Variants in TMEM38B observed in about 807,000 individuals in gnomAD.
The protein encoded by TMEM38B is trimeric intracellular cation channel type B.
Under a neutral mutation model 28.7 loss-of-function variants are expected in TMEM38B, and 24 were observed. The ratio of observed to expected loss-of-function variants is 0.84; its 90% CI spans 0.61 to 1.18. The LOEUF is 1.18. Ranked by LOEUF, TMEM38B falls within the 50% of genes most tolerant of loss-of-function variation. The pLI, the probability that TMEM38B is intolerant of heterozygous loss-of-function variation, is 0.00. For synonymous variants in TMEM38B, 131 were observed against 127.7 expected (o/e 1.03, Z -0.17); for missense variants, 380 against 350.9 (o/e 1.08, Z -0.66).
At chr9:105,734,449 T>A (rs913660959) in intron 4 of TMEM38B, among the ~76,000 whole-genome samples, 14 of 152,154 alleles carry the variant, frequency 9.2e-5, no homozygotes, top group African/African-American at 3.1e-4. Flanking sequence ...AGATGTTTAT[T>A]AAGTCCATTT....
chr9:105,744,372 T>A (rs1012724741), intron 4 of TMEM38B, among the ~76,000 whole-genome samples: 1 of 151,986 alleles, frequency 6.6e-6, no homozygotes, highest in African/African-American at 2.4e-5. Context: ...ATTGTCAACC[T>A]GCCATTTTTA....
At chr9:105,760,531 C>T (rs1488818240) in intron 5 of TMEM38B, 2 of 744,770 alleles carry the variant, frequency 2.7e-6, no homozygotes, top group Non-Finnish European at 4.9e-6. Context: ...TTCTACCTCT[C>T]AAGCTGCAGT....
chr9:105,763,671 A>G (rs904740196), intron 5 of TMEM38B, among the ~76,000 whole-genome samples: 3 of 152,232 alleles, frequency 2.0e-5, no homozygotes, highest in Non-Finnish European at 4.4e-5. Flanking sequence ...AACTGGTACC[A>G]TTCCTTCTGA....
At chr9:105,703,191 A>G (rs1316723861) in intron 1 of TMEM38B, among the ~76,000 whole-genome samples, 1 of 152,152 alleles carries the variant, frequency 6.6e-6, no homozygotes, top group African/African-American at 2.4e-5. Context: ...AAATAAAATA[A>G]TTTGAGTTGG....
chr9:105,746,778 T>C (rs577479403), intron 4 of TMEM38B, among the ~76,000 whole-genome samples: 1 of 152,350 alleles, frequency 6.6e-6, no homozygotes, highest in South Asian at 2.1e-4. Flanking sequence ...TTGAAAGTTA[T>C]TAGCATGAAG....
chr9:105,736,732 C>G (rs1013816622), intron 4 of TMEM38B, among the ~76,000 whole-genome samples: 1 of 152,200 alleles, frequency 6.6e-6, no homozygotes, highest in Non-Finnish European at 1.5e-5. Context: ...ACAATCACCT[C>G]TTCCAAACTT....
intron 4 of TMEM38B, among the ~76,000 whole-genome samples, chr9:105,740,333 T>G (rs1837154564): frequency 6.7e-6 from 1 of 149,312 alleles, no homozygotes; most frequent in Non-Finnish European, 1.5e-5. Flanking sequence ...TGATCTTGGC[T>G]CTCTTCAATC....
At chr9:105,719,597 G>GT (rs1026106230) in intron 2 of TMEM38B, among the ~76,000 whole-genome samples, 8 of 152,172 alleles carry the variant, frequency 5.3e-5, no homozygotes, top group Middle Eastern at 3.4e-3. Flanking sequence ...AATGAAAACA[G>GT]TTTTTTTGTT....
At chr9:105,744,538 T>TAA (rs1837317354) in intron 4 of TMEM38B, among the ~76,000 whole-genome samples, 2 of 152,154 alleles carry the variant, frequency 1.3e-5, no homozygotes, top group African/African-American at 4.8e-5. Context: ...AAGATATTTA[T>TAA]TGACTGTTTT....
chr9:105,742,941 A>C (rs968227083), intron 4 of TMEM38B, among the ~76,000 whole-genome samples: 1 of 152,116 alleles, frequency 6.6e-6, no homozygotes, highest in Non-Finnish European at 1.5e-5. Context: ...CTTTTTTTTT[A>C]ACCAATAGGA....
At chr9:105,748,783 C>G (rs1396692838) in intron 5 of TMEM38B, among the ~76,000 whole-genome samples, 1 of 152,198 alleles carries the variant, frequency 6.6e-6, no homozygotes, top group Non-Finnish European at 1.5e-5. Context: ...GCATGTCTTT[C>G]TGTCACTGTA....
intron 5 of TMEM38B, chr9:105,760,850 G>A: frequency 1.6e-6 from 1 of 619,590 alleles, no homozygotes; most frequent in South Asian, 2.4e-5. Flanking sequence ...TATTAATAAG[G>A]TATTTCTAAA....
intron 5 of TMEM38B, chr9:105,759,808 T>C (rs1169008925): frequency 1.2e-6 from 2 of 1,607,528 alleles, no homozygotes; most frequent in Non-Finnish European, 1.7e-6. Flanking sequence ...AGAGGAGTTG[T>C]GTAATGGGAA....
intron 5 of TMEM38B, chr9:105,758,362 T>C: frequency 9.6e-7 from 1 of 1,041,300 alleles, no homozygotes; most frequent in East Asian, 2.4e-5. Flanking sequence ...TTACATGGAT[T>C]CTGCTACTTA....
intron 2 of TMEM38B, among the ~76,000 whole-genome samples, chr9:105,712,926 G>A (rs1588402831): frequency 2.0e-5 from 3 of 152,352 alleles, no homozygotes; most frequent in Admixed American, 2.0e-4. Flanking sequence ...GGGCCACAAA[G>A]GGAGCTTGCA....
intron 5 of TMEM38B, among the ~76,000 whole-genome samples, chr9:105,766,455 A>T (rs967285406): frequency 1.3e-5 from 2 of 152,096 alleles, no homozygotes; most frequent in East Asian, 3.9e-4. Flanking sequence ...TAAAAATTGT[A>T]TTATTATTGA....
At chr9:105,718,003 C>T (rs971689337) in intron 2 of TMEM38B, among the ~76,000 whole-genome samples, 5 of 152,096 alleles carry the variant, frequency 3.3e-5, no homozygotes, top group Admixed American at 2.0e-4. Context: ...TAATAACTTG[C>T]CTAAGGTGTC....
intron 4 of TMEM38B, among the ~76,000 whole-genome samples, chr9:105,741,435 CTATAAA>C (rs1203658495): frequency 1.3e-5 from 2 of 152,082 alleles, no homozygotes; most frequent in Non-Finnish European, 1.5e-5. Flanking sequence ...ATATTAGAGC[CTATAAA>C]TATATAGTCT....
At position 105,773,983 on chromosome 9, in the gene TMEM38B, C is replaced by T; in HGVS notation, c.779C>T (p.Ala260Val). The stretch of plus-strand genomic sequence containing the variant: ...TCATCATGTGAGAAGAAAAGTGAAG[C>T]AAAGTCACCTTCCAATGGCGTTGGG... ...PFSSCEKKSEAKSPSNGVGSL... is the reference protein window; with the variant it reads ...PFSSCEKKSEVKSPSNGVGSL... The change falls in exon 6 of 6, where the codon GCA becomes GTA. Residue 260 changes from alanine to valine, a missense_variant. By Grantham distance (64) the Ala-to-Val change is moderately conservative. Coordinates refer to ENST00000374692, the MANE Select transcript of TMEM38B (RefSeq NM_018112.3). 1 of 1,613,808 alleles carries T rather than the reference C, an allele frequency of 6.2e-7. No homozygotes were observed. Among genetic ancestry groups the T allele is most frequent in the Non-Finnish European group, 8.5e-7 (1 of 1,179,820 alleles).
Sources: allele counts gnomAD v4.1 joint callset (sites outside exome capture counted in the v4.1 genomes callset), GRCh38; gene constraint gnomAD v4.1.1; transcripts MANE v1.5; gene names NCBI Gene and HGNC (gene_info 2026-07-23, HGNC 2026-07-21).